Variants in GINS1 observed in about 807,000 individuals in gnomAD.
GINS1 encodes the protein DNA replication complex GINS protein PSF1.
In GINS1, 26 loss-of-function variants were observed where a neutral mutation model predicts 34.9. The observed-to-expected ratio is 0.74, with a 90% CI of 0.55 to 1.03. The LOEUF is 1.03. GINS1 is among the 50% of genes least tolerant of loss of function. GINS1 has a pLI of 0.00. For missense variants in GINS1, 235 were observed against 237.9 expected (o/e 0.99, Z 0.08); for synonymous variants, 97 against 84.4 (o/e 1.15, Z -0.82).
At chr20:25,418,987 C>T (rs2090338130) in intron 4 of GINS1, among the ~76,000 whole-genome samples, 1 of 152,202 alleles carries the variant, frequency 6.6e-6, no homozygotes. Flanking sequence ...TGTAGGGGTT[C>T]ACCACGAGTC....
chr20:25,434,049 C>A (rs764510614), intron 5 of GINS1, among the ~76,000 whole-genome samples: 1 of 151,560 alleles, frequency 6.6e-6, no homozygotes, highest in Non-Finnish European at 1.5e-5. Flanking sequence ...TTTGGGAGTC[C>A]GAGGTGGGTG....
intron 4 of GINS1, among the ~76,000 whole-genome samples, chr20:25,423,442 T>TTTTTC (rs764431254): frequency 0.027 from 3,269 of 120,804 alleles, 270 homozygotes; most frequent in East Asian, 0.2. Context: ...TATTAAGATA[T>TTTTTC]TTTTCTTTTC....
intron 1 of GINS1, among the ~76,000 whole-genome samples, chr20:25,408,355 G>C (rs1382888019): frequency 1.3e-5 from 2 of 152,202 alleles, no homozygotes; most frequent in African/African-American, 4.8e-5. Context: ...CCCAACGCAT[G>C]ATGTAGTGGA....
At chr20:25,443,630 C>T (rs1328788394) in intron 6 of GINS1, among the ~76,000 whole-genome samples, 3 of 151,886 alleles carry the variant, frequency 2.0e-5, no homozygotes, top group Non-Finnish European at 4.4e-5. Flanking sequence ...AGGCGCCTGC[C>T]ACCACGCCTG....
At position 25,445,946 on chromosome 20, in the gene GINS1, T is replaced by A. The variant is rs1000799173; in HGVS notation, c.546T>A (p.Cys182Ter). ...NSQHFLPRWKCEQLIRQGVLE... is the reference protein window; with the variant it reads ...NSQHFLPRWK ...AGCACTTTTTACCTCGATGGAAATG[T>A]GAGCAGCTGATCAGACAAGGAGTCC... The change falls in exon 7 of 7, where the codon TGT becomes TGA. Residue 182 changes from cysteine (C) to a stop codon, truncating the protein, a stop_gained. Transcript: ENST00000262460. LOFTEE classifies it high-confidence loss of function. 37 of 1,611,292 alleles carry A rather than the reference T, an allele frequency of 2.3e-5. No homozygotes were observed. The highest frequency in any genetic ancestry group is 3.1e-5 in the Non-Finnish European group (37 of 1,177,556).
chr20:25,419,397 G>T (rs1448825092), intron 4 of GINS1, among the ~76,000 whole-genome samples: 1 of 150,228 alleles, frequency 6.7e-6, no homozygotes, highest in Non-Finnish European at 1.5e-5. Context: ...GCACATTTTT[G>T]AAAGTGATCT....
At chr20:25,411,105 C>T (rs1426557669) in intron 1 of GINS1, 1 of 152,104 alleles carries the variant, frequency 6.6e-6, no homozygotes, top group Non-Finnish European at 1.5e-5. Flanking sequence ...TAGTGAGACC[C>T]CATTTTTACA....
intron 1 of GINS1, among the ~76,000 whole-genome samples, chr20:25,413,272 C>T (rs1307334572): frequency 5.9e-5 from 9 of 152,058 alleles, no homozygotes; most frequent in Non-Finnish European, 1.3e-4. Context: ...TGGTTTTGAA[C>T]TTCTGACCTC....
chr20:25,441,251 T>A (rs1444960659), intron 5 of GINS1, among the ~76,000 whole-genome samples: 1 of 152,198 alleles, frequency 6.6e-6, no homozygotes, highest in Non-Finnish European at 1.5e-5. Flanking sequence ...TGGGAAATTA[T>A]CTGAATTTTG....
intron 5 of GINS1, among the ~76,000 whole-genome samples, chr20:25,436,898 A>G (rs2090457476): frequency 6.6e-6 from 1 of 152,170 alleles, no homozygotes; most frequent in Non-Finnish European, 1.5e-5. Context: ...AAAACCAGAC[A>G]TTTCAGTCTA....
intron 5 of GINS1, among the ~76,000 whole-genome samples, chr20:25,427,445 G>A (rs147027180): frequency 9.2e-5 from 14 of 152,082 alleles, no homozygotes; most frequent in African/African-American, 2.4e-4. Context: ...TGATCCTCCC[G>A]CCTCAGCCTC....
chr20:25,425,702 CAA>C (rs1471979360), intron 5 of GINS1, among the ~76,000 whole-genome samples: 2 of 151,670 alleles, frequency 1.3e-5, no homozygotes, highest in East Asian at 3.9e-4. Flanking sequence ...AATGTCAAAA[CAA>C]AGTTAAATCA....
At position 25,446,260 on chromosome 20, in the gene GINS1, C is replaced by T. The variant is rs940466690; in HGVS notation, c.*269C>T. Reference sequence around the variant, plus strand: ...ATGTTGCCCAAGCTGGTCTCAAACTCCTGGCCTCAAGCAGTCCTCCCACCT... The same window carrying T: ...ATGTTGCCCAAGCTGGTCTCAAACTTCTGGCCTCAAGCAGTCCTCCCACCT... On this transcript the variant is annotated 3_prime_UTR_variant, in exon 7 of 7. Transcript: ENST00000262460. 3.2e-6 allele frequency: 1 copy of T among 310,832 alleles called. No homozygotes were observed. The highest frequency in any genetic ancestry group is 4.8e-5 in the Admixed American group (1 of 21,004). The allele number at this position is 310,832 out of a possible 1,614,324, so 19.3% of individuals were successfully genotyped here.
At chr20:25,413,438 A>G (rs1314058204) in intron 1 of GINS1, 3 of 181,912 alleles carry the variant, frequency 1.6e-5, no homozygotes, top group East Asian at 1.3e-4. Context: ...CTACATTTTT[A>G]TTGTTATGAA....
At chr20:25,412,735 C>T (rs185288517) in intron 1 of GINS1, among the ~76,000 whole-genome samples, 226 of 152,224 alleles carry the variant, frequency 1.5e-3, no homozygotes, top group Non-Finnish European at 2.5e-3. Flanking sequence ...TTATAACCAG[C>T]ACCCTGATCA....
At chr20:25,409,736 T>A (rs115074540) in intron 1 of GINS1, among the ~76,000 whole-genome samples, 1,712 of 152,278 alleles carry the variant, frequency 0.011, 32 homozygotes, top group African/African-American at 0.036. Flanking sequence ...GGTTTTCCAG[T>A]TTCTAGTCAA....
At chr20:25,427,657 T>C (rs1014251375) in intron 5 of GINS1, among the ~76,000 whole-genome samples, 1 of 152,228 alleles carries the variant, frequency 6.6e-6, no homozygotes, top group African/African-American at 2.4e-5. Context: ...GGGCCCATTT[T>C]CAAATAGGGT....
rs139651809 is a variant in GINS1 at position 25,435,227 on chromosome 20, T to G, written c.448-6475T>G. On this transcript the variant is annotated intron_variant, in intron 5 of 6. Coordinates refer to ENST00000262460, the MANE Select transcript of GINS1 (RefSeq NM_021067.5). The stretch of plus-strand genomic sequence containing the variant: ...CCACTGCCTTCTAGCCTCCAAAGTT[T>G]GTAATAAGAAATTTGGTGAAAATCT... Among the ~76,000 whole-genome samples the G allele has an allele frequency of 1.4e-3, 213 of 152,322 alleles. 2 individuals carry two copies. Among genetic ancestry groups the G allele is most frequent in the African/African-American group, 4.9e-3 (202 of 41,578 alleles).
chr20:25,414,909 C>T (rs1389931610), intron 2 of GINS1, among the ~76,000 whole-genome samples: 2 of 152,074 alleles, frequency 1.3e-5, no homozygotes, highest in East Asian at 3.9e-4. Context: ...GTAGTAGGTC[C>T]AGAGAGGTGA....
Sources: allele counts gnomAD v4.1 joint callset (sites outside exome capture counted in the v4.1 genomes callset), GRCh38; gene constraint gnomAD v4.1.1; transcripts MANE v1.5; gene names NCBI Gene and HGNC (gene_info 2026-07-23, HGNC 2026-07-21).